PMFBP1: variants seen among roughly 807,000 people sequenced by gnomAD.
PMFBP1 encodes polyamine modulated factor 1 binding protein 1, also known as polyamine-modulated factor 1-binding protein 1.
Under a neutral mutation model 137.8 loss-of-function variants are expected in PMFBP1, and 131 were observed. The ratio of observed to expected loss-of-function variants is 0.95; its 90% CI spans 0.82 to 1.10. The LOEUF (loss-of-function observed/expected upper bound fraction) is 1.10, where lower values mean the gene tolerates loss of function less well. PMFBP1 is among the 50% of genes least tolerant of loss of function. PMFBP1 has a pLI of 0.00. For missense variants in PMFBP1, 1,199 were observed against 1,175.4 expected (o/e 1.02, Z -0.29); for synonymous variants, 490 against 450.4 (o/e 1.09, Z -1.11).
At chr16:72,248,975 A>G in the PMFBP1 span, among the ~76,000 whole-genome samples, 1 of 152,186 alleles carries the variant, frequency 6.6e-6, no homozygotes, top group East Asian at 1.9e-4. Context: ...TTAAACAGCT[A>G]CTCAAGGTAG....
In PMFBP1 at chr16:72,166,821, C is replaced by T. The variant is rs551026114; in HGVS notation, c.13-1905G>A. ...TATAAGCTCCTAAGAACTTCCAGCT[C>T]TCTGCCCCTGTAGGCAAAGTGACTT... On this transcript the variant is annotated intron_variant, in intron 2 of 20. Coordinates refer to ENST00000237353, the MANE Select transcript of PMFBP1 (RefSeq NM_031293.3). 3.9e-5 allele frequency among the ~76,000 whole-genome samples: 6 copies of T among 152,362 alleles called. No homozygotes were observed. The South Asian group carries it at 1.0e-3, about 26-fold the overall frequency.
At chr16:72,228,838 T>G in the PMFBP1 span, among the ~76,000 whole-genome samples, 1 of 63,168 alleles carries the variant, frequency 1.6e-5, no homozygotes, top group Non-Finnish European at 3.1e-5. Flanking sequence ...TATATATTAC[T>G]TTTTTTTTTT....
At chr16:72,181,285 C>T (rs886254092), upstream of PMFBP1, among the ~76,000 whole-genome samples, 3 of 151,484 alleles carry the variant, frequency 2.0e-5, no homozygotes, top group African/African-American at 4.8e-5. Flanking sequence ...ATTAAATACT[C>T]GATAAGGATT....
At chr16:72,129,942 C>T (rs1459884532) in intron 12 of PMFBP1, among the ~76,000 whole-genome samples, 1 of 152,110 alleles carries the variant, frequency 6.6e-6, no homozygotes, top group Non-Finnish European at 1.5e-5. Flanking sequence ...AATCTCCCAG[C>T]CTCAAGGGAT....
At chr16:72,237,617 C>T in the PMFBP1 span, among the ~76,000 whole-genome samples, 1 of 152,022 alleles carries the variant, frequency 6.6e-6, no homozygotes, top group African/African-American at 2.4e-5. Context: ...TCTACTTGAT[C>T]CTAGCCAACT....
chr16:72,230,381 C>A, the PMFBP1 span, among the ~76,000 whole-genome samples: 1 of 152,120 alleles, frequency 6.6e-6, no homozygotes, highest in South Asian at 2.1e-4. Flanking sequence ...GACTCTAAGA[C>A]ACTTTAAATT....
chr16:72,214,742 C>T, the PMFBP1 span, among the ~76,000 whole-genome samples: 1 of 152,026 alleles, frequency 6.6e-6, no homozygotes, highest in African/African-American at 2.4e-5. Flanking sequence ...TGACAAAACA[C>T]AGGAATAAAT....
At chr16:72,135,453 G>A (rs2042613368) in intron 9 of PMFBP1, among the ~76,000 whole-genome samples, 1 of 151,016 alleles carries the variant, frequency 6.6e-6, no homozygotes, top group Non-Finnish European at 1.5e-5. Flanking sequence ...CTGACCTCAA[G>A]TGATCCACCC....
At chr16:72,139,700 G>C (rs1332144890) in intron 6 of PMFBP1, among the ~76,000 whole-genome samples, 1 of 152,160 alleles carries the variant, frequency 6.6e-6, no homozygotes, top group Non-Finnish European at 1.5e-5. Context: ...CTGTGATGGA[G>C]AGATATACCT....
At chr16:72,131,634 C>T (rs948423211) in intron 10 of PMFBP1, among the ~76,000 whole-genome samples, 1 of 151,986 alleles carries the variant, frequency 6.6e-6, no homozygotes, top group African/African-American at 2.4e-5. Context: ...CTCTAGATGA[C>T]TACAGTCAGA....
At chr16:72,202,706 C>T in the PMFBP1 span, among the ~76,000 whole-genome samples, 2 of 152,224 alleles carry the variant, frequency 1.3e-5, no homozygotes, top group African/African-American at 4.8e-5. Flanking sequence ...CACGCATCCT[C>T]CTCCTGACTG....
the PMFBP1 span, among the ~76,000 whole-genome samples, chr16:72,236,893 C>A: frequency 2.0e-5 from 3 of 152,192 alleles, no homozygotes; most frequent in Non-Finnish European, 2.9e-5. Context: ...GTAATAAAAT[C>A]TACCACACTT....
In PMFBP1 at chr16:72,125,288, T is replaced by C. The variant is rs1371644184; in HGVS notation, c.2371A>G (p.Asn791Asp). The C allele has an allele frequency of 1.2e-6, 2 of 1,614,054 alleles. No homozygotes were observed. Among genetic ancestry groups the C allele is most frequent in the Non-Finnish European group, 1.7e-6 (2 of 1,180,038 alleles). The change falls in exon 16 of 21, where the codon AAT becomes GAT. Residue 791 changes from asparagine to aspartate, a missense_variant. Coordinates refer to ENST00000237353, the MANE Select transcript of PMFBP1 (RefSeq NM_031293.3). ...CCCCGCAGTTTTCTTAATTCCGTAT[T>C]GAGCTTTTTCATCCTTTCCTCATAA... is the stretch of plus-strand genomic sequence containing the variant. The part of the protein sequence containing the change: ...IAYEERMKKL[N>D]TELRKLRGFH...
the PMFBP1 span, among the ~76,000 whole-genome samples, chr16:72,234,485 T>C: frequency 6.6e-6 from 1 of 152,178 alleles, no homozygotes; most frequent in Non-Finnish European, 1.5e-5. Flanking sequence ...AGACATGTGA[T>C]GTACACAGCA....
At chr16:72,201,246 G>C in the PMFBP1 span, among the ~76,000 whole-genome samples, 1 of 152,178 alleles carries the variant, frequency 6.6e-6, no homozygotes, top group Non-Finnish European at 1.5e-5. Flanking sequence ...GCTTTCCTTT[G>C]AAAGGGTGAT....
In PMFBP1 at chr16:72,136,738, C is replaced by T. The variant is rs144745394; in HGVS notation, c.1000G>A (p.Val334Met). 5.1e-5 allele frequency: 83 copies of T among 1,614,030 alleles called. No homozygotes were observed. Among genetic ancestry groups the T allele is most frequent in the Admixed American group, 2.8e-4 (17 of 59,994 alleles). Residue 334 changes from valine (V) to methionine (M), a missense_variant, in exon 8 of 21, where the codon GTG (valine) becomes ATG (methionine). Physicochemically the swap from Val to Met is conservative, Grantham distance 21. Coordinates refer to ENST00000237353, the MANE Select transcript of PMFBP1 (RefSeq NM_031293.3). ...EYQNLVKDLR[V>M]ELEAVSEQKR... ...TGTTCCGACACGGCCTCTAGTTCCACGCGCAGATCCTTCACCAGGTTCTGG... is the reference window on the plus strand; with the variant it reads ...TGTTCCGACACGGCCTCTAGTTCCATGCGCAGATCCTTCACCAGGTTCTGG...
Position 72,130,681 on chromosome 16 carries a change from C to T in PMFBP1, c.1489G>A (p.Gly497Ser), listed in dbSNP as rs1381943174. Residue 497 changes from glycine (G) to serine (S), a missense_variant, in exon 11 of 21, where the codon GGC becomes AGC. Coordinates refer to ENST00000237353, the MANE Select transcript of PMFBP1 (RefSeq NM_031293.3). ...CTCTGGGTGTCCTCCAGGTGACAGC[C>T]TGCCAGTGCAGCCTCTTCTTTGCAC... ...AQCKEEAALA[G>S]CHLEDTQRKL... 14 of 1,613,722 alleles carry T rather than the reference C, an allele frequency of 8.7e-6. No homozygotes were observed. The highest frequency in any genetic ancestry group is 1.2e-5 in the Non-Finnish European group (14 of 1,179,988).
chr16:72,228,235 G>C, the PMFBP1 span, among the ~76,000 whole-genome samples: 7 of 152,110 alleles, frequency 4.6e-5, no homozygotes, highest in African/African-American at 1.7e-4. Flanking sequence ...GAATGCTAAG[G>C]CTACTCTGAA....
At chr16:72,166,028 G>T (rs1034562097) in intron 2 of PMFBP1, among the ~76,000 whole-genome samples, 2 of 152,152 alleles carry the variant, frequency 1.3e-5, no homozygotes, top group Non-Finnish European at 2.9e-5. Context: ...AACCTGTGTA[G>T]TGCTTCAGTT....
Sources: gnomAD v4.1 joint callset for allele counts (sites outside exome capture counted in the v4.1 genomes callset) on GRCh38, gnomAD v4.1.1 for gene constraint, MANE v1.5 for transcripts, NCBI Gene and HGNC (gene_info 2026-07-23, HGNC 2026-07-21) for gene names.